RASSF8: variants seen among roughly 807,000 people sequenced by gnomAD.
RASSF8 encodes ras association domain-containing protein 8.
A neutral mutation model predicts 48.5 loss-of-function variants in RASSF8; 22 were observed. The ratio of observed to expected loss-of-function variants is 0.45; its 90% CI spans 0.32 to 0.65. RASSF8 has a LOEUF of 0.65. Ranked by LOEUF, RASSF8 falls within the 30% of genes least tolerant of loss-of-function variation. RASSF8 has a pLI of 0.03. For missense variants in RASSF8, 418 were observed against 489.2 expected, an observed-to-expected ratio of 0.85 and a Z score of 1.37; for synonymous variants, 127 against 171.5, an observed-to-expected ratio of 0.74 and a Z score of 2.03.
chr12:25,962,080 G>A (rs536482753), intron 1 of RASSF8, among the ~76,000 whole-genome samples: 3 of 151,866 alleles, frequency 2.0e-5, no homozygotes, highest in Non-Finnish European at 2.9e-5. Flanking sequence ...AGTATTTGCC[G>A]TCTTAAAGTT....
At chr12:26,022,170 A>T (rs184095446) in intron 2 of RASSF8, among the ~76,000 whole-genome samples, 1 of 152,222 alleles carries the variant, frequency 6.6e-6, no homozygotes, top group African/African-American at 2.4e-5. Flanking sequence ...TTGAGCTACA[A>T]AGCTGAGCGG....
At chr12:26,043,760 T>G (rs1480213236) in intron 2 of RASSF8, among the ~76,000 whole-genome samples, 2 of 152,186 alleles carry the variant, frequency 1.3e-5, no homozygotes, top group African/African-American at 4.8e-5. Context: ...AATGGACGAT[T>G]GCTATGCACG....
At chr12:25,961,083 TACGTGGTG>T (rs1226822732) in intron 1 of RASSF8, among the ~76,000 whole-genome samples, 1 of 152,238 alleles carries the variant, frequency 6.6e-6, no homozygotes, top group Non-Finnish European at 1.5e-5. Flanking sequence ...TAGGCTTCTA[TACGTGGTG>T]ACTTACGTCA....
At position 26,055,168 on chromosome 12, in the gene RASSF8, A is replaced by C. The variant is rs1943575000; in HGVS notation, c.-108-68A>C. On this transcript the variant is annotated intron_variant, in intron 2 of 5. Coordinates refer to ENST00000689635, the MANE Select transcript of RASSF8 (RefSeq NM_001394098.1). ...GATATGTTAAAATTTGTTTTGTGTAATACTTACATACTTACTAGAAGAAAT... is the reference window on the plus strand; with the variant it reads ...GATATGTTAAAATTTGTTTTGTGTACTACTTACATACTTACTAGAAGAAAT... 6.7e-6 allele frequency: 4 copies of C among 600,290 alleles called. No homozygotes were observed. The East Asian group carries it at 1.1e-4, about 17-fold the overall frequency. 37.2% of individuals were successfully genotyped at this position (600,290 alleles called of 1,614,324 possible). A position where few individuals can be genotyped will look rare whatever the true frequency, so the allele number is the denominator to read the frequency against.
At chr12:26,006,153 T>A (rs1942385673) in intron 2 of RASSF8, among the ~76,000 whole-genome samples, 1 of 152,182 alleles carries the variant, frequency 6.6e-6, no homozygotes, top group African/African-American at 2.4e-5. Flanking sequence ...CAGCCTTGAT[T>A]TCTTCCTGGT....
intron 2 of RASSF8, among the ~76,000 whole-genome samples, chr12:26,032,557 G>A (rs1253969716): frequency 1.3e-5 from 2 of 152,076 alleles, no homozygotes; most frequent in Admixed American, 6.6e-5. Flanking sequence ...TGCTACATTA[G>A]CATGCAACAA....
At chr12:25,984,121 G>A (rs1941811606) in intron 1 of RASSF8, among the ~76,000 whole-genome samples, 3 of 151,544 alleles carry the variant, frequency 2.0e-5, no homozygotes, top group Non-Finnish European at 1.5e-5. Context: ...GAGTGCAGTC[G>A]CATGATTATA....
rs564691244 is a variant in RASSF8 at position 26,072,531 on chromosome 12, T to TG, written c.*3719dup. ...AGGCAATAAAGTATATACATATATA[T>TG]GGGGGGAGGGGAAAGATTAAAAAAT... is the stretch of plus-strand genomic sequence containing the variant. On this transcript the variant is annotated 3_prime_UTR_variant, in exon 6 of 6. Transcript: ENST00000689635. The TG allele has an allele frequency of 7.1e-6, 7 of 980,510 alleles. No individual in the cohort carries two copies. Among genetic ancestry groups the TG allele is most frequent in the Non-Finnish European group, 8.5e-6 (7 of 825,542 alleles). The allele number at this position is 980,510 out of a possible 1,614,324, so 60.7% of individuals were successfully genotyped here. A position where few individuals can be genotyped will look rare whatever the true frequency, so the allele number is the denominator to read the frequency against.
At chr12:26,040,983 G>A (rs1338616480) in intron 2 of RASSF8, among the ~76,000 whole-genome samples, 1 of 151,522 alleles carries the variant, frequency 6.6e-6, no homozygotes, top group Non-Finnish European at 1.5e-5. Context: ...TGCCTCCCAG[G>A]TTCACGCCAT....
chr12:26,027,075 C>T (rs1942930379), intron 2 of RASSF8, among the ~76,000 whole-genome samples: 1 of 151,998 alleles, frequency 6.6e-6, no homozygotes, highest in South Asian at 2.1e-4. Context: ...CAGATATTTA[C>T]TACAATATGG....
At chr12:25,986,233 C>G (rs1442537552) in intron 1 of RASSF8, among the ~76,000 whole-genome samples, 1 of 152,110 alleles carries the variant, frequency 6.6e-6, no homozygotes, top group African/African-American at 2.4e-5. Flanking sequence ...AGATCTTCTT[C>G]CTCCAGGCTC....
At position 26,064,732 on chromosome 12, in the gene RASSF8, G is replaced by C; in HGVS notation, c.338G>C (p.Arg113Thr). ...RQSLPPLAKL[R>T]PQIDKSIKRR... ...AGTCTGCCCCCCTTAGCTAAACTGA[G>C]GCCTCAGATTGACAAATCAATCAAA... The change falls in exon 4 of 6, where the codon AGG (arginine) becomes ACG (threonine). Residue 113 changes from arginine to threonine, a missense_variant. Arg to Thr is a moderately conservative substitution (Grantham distance 71). Transcript: ENST00000689635. The C allele has an allele frequency of 5.0e-6, 8 of 1,614,064 alleles. No homozygotes were observed. Among genetic ancestry groups the C allele is most frequent in the Admixed American group, 1.7e-5 (1 of 60,006 alleles).
intron 3 of RASSF8, among the ~76,000 whole-genome samples, chr12:26,055,787 C>G (rs1263670884): frequency 6.6e-6 from 1 of 152,210 alleles, no homozygotes; most frequent in East Asian, 1.9e-4. Flanking sequence ...CCCAGAATCC[C>G]TCATTAGGAA....
intron 2 of RASSF8, among the ~76,000 whole-genome samples, chr12:26,047,007 A>G (rs751122611): frequency 1.3e-5 from 2 of 152,232 alleles, no homozygotes; most frequent in South Asian, 4.1e-4. Flanking sequence ...GGATTTTCAC[A>G]TGAAGACTTT....
At chr12:26,063,035 A>ATGGGTG (rs1943779693) in intron 3 of RASSF8, among the ~76,000 whole-genome samples, 1 of 152,164 alleles carries the variant, frequency 6.6e-6, no homozygotes. Context: ...AATTACATAC[A>ATGGGTG]TGGGTGTTGA....
chr12:26,046,113 A>G (rs542737175), intron 2 of RASSF8, among the ~76,000 whole-genome samples: 3 of 152,338 alleles, frequency 2.0e-5, no homozygotes, highest in African/African-American at 4.8e-5. Context: ...CAGGAACCTC[A>G]GGGGTTGTAT....
chr12:26,073,959 T>TAG (rs909294644), downstream of RASSF8, among the ~76,000 whole-genome samples: 57 of 148,186 alleles, frequency 3.8e-4, no homozygotes, highest in African/African-American at 1.3e-3. Flanking sequence ...TCTATATATA[T>TAG]AGAGAGAGAG....
rs772891336 is a variant in RASSF8 at position 26,055,455 on chromosome 12, A to G, written c.103+9A>G. 1.3e-6 allele frequency: 2 copies of G among 1,599,936 alleles called. No individual in the cohort carries two copies. Among genetic ancestry groups the G allele is most frequent in the Non-Finnish European group, 1.7e-6 (2 of 1,167,174 alleles). ...CTTAGCTCAAGCAATAGGTGAGTGA[A>G]CTCTGTGGGTATCTGAGAAAAGTAC... On this transcript the variant is annotated intron_variant, in intron 3 of 5. Transcript: ENST00000689635.
At chr12:25,998,569 G>A (rs1049279127) in intron 2 of RASSF8, among the ~76,000 whole-genome samples, 1 of 151,964 alleles carries the variant, frequency 6.6e-6, no homozygotes, top group Admixed American at 6.6e-5. Context: ...GGATGGTCTC[G>A]ATCTCTTGAC....
Sources: gnomAD v4.1 joint callset for allele counts (sites outside exome capture counted in the v4.1 genomes callset) on GRCh38, gnomAD v4.1.1 for gene constraint, MANE v1.5 for transcripts, NCBI Gene and HGNC (gene_info 2026-07-23, HGNC 2026-07-21) for gene names.